The following TNRC6A variants were observed in gnomAD, a reference collection of about 807,000 sequenced individuals.
The protein encoded by TNRC6A is trinucleotide repeat-containing gene 6A protein.
Under a neutral mutation model 221.2 loss-of-function variants are expected in TNRC6A, and 44 were observed. The ratio of observed to expected loss-of-function variants is 0.20; its 90% CI spans 0.16 to 0.26. The LOEUF (loss-of-function observed/expected upper bound fraction) is 0.26. Ranked by LOEUF, TNRC6A falls within the 10% of genes least tolerant of loss-of-function variation. The pLI is 1.00. For synonymous variants in TNRC6A, 847 were observed against 838.5 expected (o/e 1.01, Z -0.18); for missense variants, 2,199 against 2,404.4 (o/e 0.91, Z 1.79).
rs111780358 is a variant in TNRC6A at position 24,798,040 on chromosome 16, A to G, written c.3694+74A>G. On this transcript the variant is annotated intron_variant, in intron 11 of 24. Transcript: ENST00000395799. ...ATCCATGACATGATTCTACTGAAAG[A>G]GCCCTGACGTAGATCAGGACAGGGG... is the stretch of plus-strand genomic sequence containing the variant. 4.9e-5 allele frequency: 67 copies of G among 1,354,502 alleles called. No individual in the cohort carries two copies. In the African/African-American group the frequency reaches 5.9e-4, roughly 12 times the overall value. 83.9% of individuals were successfully genotyped at this position (1,354,502 alleles called of 1,614,324 possible). A position where few individuals can be genotyped will look rare whatever the true frequency, so the allele number is the denominator to read the frequency against.
At chr16:24,792,749 G>A (rs17177029) in intron 6 of TNRC6A, among the ~76,000 whole-genome samples, 7,377 of 147,396 alleles carry the variant, frequency 0.05, 282 homozygotes, top group Middle Eastern at 0.07. Context: ...TGTTTTTCCA[G>A]TGTAGGTGGT....
chr16:24,791,189 G>T lies in TNRC6A; in HGVS notation c.2547G>T (p.Trp849Cys). The change falls in exon 6 of 25, where the codon TGG (tryptophan) becomes TGT (cysteine). Residue 849 changes from tryptophan to cysteine, a missense_variant. Trp to Cys is a radical substitution (Grantham distance 215). This residue lies in a region of TNRC6A where 1,405 missense variants were observed against 1,400.2 expected (regional missense o/e 1.00). Transcript: ENST00000395799. The part of the protein sequence containing the change: ...WGDGQKSSQG[W>C]SVSASDNWGE... ...ATGGACAAAAATCAAGCCAAGGGTG[G>T]TCTGTTTCTGCCAGTGATAACTGGG... 1 of 1,614,114 alleles carries T rather than the reference G, an allele frequency of 6.2e-7. No individual in the cohort carries two copies. Among genetic ancestry groups the T allele is most frequent in the Non-Finnish European group, 8.5e-7 (1 of 1,180,016 alleles).
At chr16:24,806,413 C>A in intron 16 of TNRC6A, 130 bp downstream of exon 16, 1 of 1,372,050 alleles carries the variant, frequency 7.3e-7, no homozygotes, top group Non-Finnish European at 1.0e-6. Context: ...GTATGTTTTT[C>A]ATTAAGTCTG....
Position 24,790,603 on chromosome 16 carries a change from C to G in TNRC6A, c.1961C>G (p.Ser654Cys). The change falls in exon 6 of 25, where the codon TCT (serine) becomes TGT (cysteine). Residue 654 changes from serine to cysteine, a missense_variant. By Grantham distance (112) the Ser-to-Cys change is moderately radical. Around this residue, in one of 8 missense-constraint regions of TNRC6A, gnomAD observed 1,405 missense variants for 1,400.2 expected, o/e 1.00. Transcript: ENST00000395799. Reference protein sequence around the residue: ...TEEEDQGSATSQTNEQSSVWA... With the variant: ...TEEEDQGSATCQTNEQSSVWA... ...GAAGAGGATCAGGGTTCTGCCACAT[C>G]TCAGACAAATGAGCAAAGCAGTGTG... 1.9e-6 allele frequency: 3 copies of G among 1,614,198 alleles called. No individual in the cohort carries two copies. The highest frequency in any genetic ancestry group is 2.5e-6 in the Non-Finnish European group (3 of 1,180,044).
intron 6 of TNRC6A, 178 bp from the exon 7 acceptor site, chr16:24,793,295 A>C: frequency 2.4e-6 from 1 of 409,150 alleles, no homozygotes; most frequent in Non-Finnish European, 4.3e-6. Flanking sequence ...AATGGGAAAT[A>C]GTTTGTCTTT....
chr16:24,768,409 G>T (rs1187460570), intron 4 of TNRC6A, among the ~76,000 whole-genome samples: 2 of 148,980 alleles, frequency 1.3e-5, no homozygotes, highest in East Asian at 3.9e-4. Flanking sequence ...CTCTAGCCTG[G>T]GGGACAGAGC....
rs778441574 is a variant in TNRC6A at position 24,806,207 on chromosome 16, G to T, written c.4253G>T (p.Arg1418Leu). The change falls in exon 16 of 25, where the codon CGA (arginine) becomes CTA (leucine). Residue 1418 changes from arginine to leucine, a missense_variant and splice_region_variant. Physicochemically the swap from Arg to Leu is moderately radical, Grantham distance 102. Transcript: ENST00000395799. Reference sequence around the variant, plus strand: ...ACCTTTTCGCTATCTTTCCTCTAGCGATTGTTAGCGCAGCAGCAAAGGGCG... The same window carrying T: ...ACCTTTTCGCTATCTTTCCTCTAGCTATTGTTAGCGCAGCAGCAAAGGGCG... Reference protein sequence around the residue: ...NQLSQISQLQRLLAQQQRAQS... With the variant: ...NQLSQISQLQLLLAQQQRAQS... The T allele has an allele frequency of 5.6e-6, 9 of 1,613,800 alleles. No homozygotes were observed. The highest frequency in any genetic ancestry group is 7.6e-6 in the Non-Finnish European group (9 of 1,179,958).
At chr16:24,717,503 G>A (rs1209458950) in intron 2 of TNRC6A, among the ~76,000 whole-genome samples, 2 of 152,184 alleles carry the variant, frequency 1.3e-5, no homozygotes, top group South Asian at 2.1e-4. Context: ...AGAGGCAGAA[G>A]TACCCACTTT....
At chr16:24,727,450 G>A (rs1023149020), upstream of TNRC6A, among the ~76,000 whole-genome samples, 4 of 152,110 alleles carry the variant, frequency 2.6e-5, no homozygotes, top group Non-Finnish European at 5.9e-5. Context: ...CCTACGCATC[G>A]TAGAATATTT....
At chr16:24,701,290 T>C (rs2055968967) in intron 2 of TNRC6A, among the ~76,000 whole-genome samples, 1 of 152,014 alleles carries the variant, frequency 6.6e-6, no homozygotes, top group Non-Finnish European at 1.5e-5. Context: ...ACTCCTCTGC[T>C]GGCATCTGGC....
chr16:24,795,887 G>A lies in TNRC6A; in HGVS notation c.3529-20G>A. 3 of 1,586,634 alleles carry A rather than the reference G, an allele frequency of 1.9e-6. No individual in the cohort carries two copies. Among genetic ancestry groups the A allele is most frequent in the Non-Finnish European group, 2.6e-6 (3 of 1,163,014 alleles). On this transcript the variant is annotated intron_variant, in intron 8 of 24. Coordinates refer to ENST00000395799, the MANE Select transcript of TNRC6A (RefSeq NM_014494.4). ...TTCCCACTGGACCATGCTGTTTTGT[G>A]ACTTTGTCTTTCCTTACAGGGTCTG...
chr16:24,797,546 A>G lies in TNRC6A; in HGVS notation c.3618A>G (p.Lys1206=). Residue 1206 remains lysine, a synonymous_variant, in exon 10 of 25, where the codon AAA becomes AAG. Coordinates refer to ENST00000395799, the MANE Select transcript of TNRC6A (RefSeq NM_014494.4). ...AAGCGTGGATAAATCCATTTGTTAA[A>G]CAGTTTTCAAACATCAGTTTTTCGG... ...QEEAWINPFV[K]QFSNISFSRD... is the part of the protein sequence containing the mutation. 1 of 1,612,286 alleles carries G rather than the reference A, an allele frequency of 6.2e-7. No individual in the cohort carries two copies. Among genetic ancestry groups the G allele is most frequent in the Non-Finnish European group, 8.5e-7 (1 of 1,179,494 alleles).
intron 2 of TNRC6A, among the ~76,000 whole-genome samples, chr16:24,732,887 G>T (rs879413539): frequency 5.3e-5 from 8 of 152,132 alleles, no homozygotes; most frequent in African/African-American, 1.9e-4. Context: ...GAATTGTAAC[G>T]TGAAAGCCTC....
chr16:24,756,716 CT>C, intron 3 of TNRC6A, among the ~76,000 whole-genome samples: 1 of 152,300 alleles, frequency 6.6e-6, no homozygotes, highest in Non-Finnish European at 1.5e-5. Flanking sequence ...TGGTCTCAAA[CT>C]CCTGGCCTCA....
In TNRC6A at chr16:24,822,189, G is replaced by A. The variant is rs374855804; in HGVS notation, c.5373+42G>A. 5 of 1,598,500 alleles carry A rather than the reference G, an allele frequency of 3.1e-6. No homozygotes were observed. The African/African-American group carries it at 6.7e-5, about 21-fold the overall frequency. On this transcript the variant is annotated intron_variant, in intron 23 of 24. Coordinates refer to ENST00000395799, the MANE Select transcript of TNRC6A (RefSeq NM_014494.4). The stretch of plus-strand genomic sequence containing the variant: ...CGCTGGTTTATGTGGCTACGCCAGG[G>A]AGCATGGGAACAGAGGTTCGGGTCT...
At chr16:24,737,665 A>T (rs1283250812) in intron 2 of TNRC6A, among the ~76,000 whole-genome samples, 1 of 152,252 alleles carries the variant, frequency 6.6e-6, no homozygotes, top group African/African-American at 2.4e-5. Context: ...TGGATTTTGT[A>T]TAATAACAAA....
At chr16:24,749,529 T>C (rs2057089765) in intron 2 of TNRC6A, among the ~76,000 whole-genome samples, 1 of 152,198 alleles carries the variant, frequency 6.6e-6, no homozygotes, top group Non-Finnish European at 1.5e-5. Flanking sequence ...TTTCTATTCC[T>C]TAGGCAGTCT....
chr16:24,729,467 C>T (rs2056555787), upstream of TNRC6A, among the ~76,000 whole-genome samples: 1 of 151,844 alleles, frequency 6.6e-6, no homozygotes, highest in African/African-American at 2.4e-5. Flanking sequence ...TCCGCAGGCC[C>T]CCCCAGCCAC....
chr16:24,720,034 G>T (rs912612964), intron 2 of TNRC6A, among the ~76,000 whole-genome samples: 38 of 152,140 alleles, frequency 2.5e-4, no homozygotes, highest in African/African-American at 9.2e-4. Flanking sequence ...GGAGGAGCAG[G>T]CTTGCCTGAG....
Sources: allele counts gnomAD v4.1 joint callset (sites outside exome capture counted in the v4.1 genomes callset), GRCh38; gene constraint gnomAD v4.1.1; regional missense constraint gnomAD v4.1.1; transcripts MANE v1.5; gene names NCBI Gene and HGNC (gene_info 2026-07-23, HGNC 2026-07-21).